The following FANCC variants were observed in gnomAD, a reference collection of about 807,000 sequenced individuals.
FANCC encodes the protein FA complementation group C, also known as Fanconi anemia group C protein.
FANCC carries 55 observed loss-of-function variants against 71.3 expected under a neutral mutation model. The observed-to-expected ratio is 0.77, with a 90% CI of 0.62 to 0.97. The LOEUF (loss-of-function observed/expected upper bound fraction) is 0.97, where lower values mean the gene tolerates loss of function less well. Ranked by LOEUF, FANCC falls within the 50% of genes least tolerant of loss-of-function variation. The pLI, the probability that FANCC is intolerant of heterozygous loss-of-function variation, is 0.00. For synonymous variants in FANCC, 275 were observed against 244.9 expected (o/e 1.12, Z -1.15); for missense variants, 678 against 670.9 (o/e 1.01, Z -0.12).
intron 6 of FANCC, among the ~76,000 whole-genome samples, chr9:95,170,365 T>C (rs1388222035): frequency 1.3e-5 from 2 of 150,518 alleles, no homozygotes; most frequent in Non-Finnish European, 3.0e-5. Context: ...AAAGACAATT[T>C]CTGATAGAGC....
At chr9:95,160,989 T>C (rs575409470) in intron 6 of FANCC, among the ~76,000 whole-genome samples, 1 of 152,296 alleles carries the variant, frequency 6.6e-6, no homozygotes, top group East Asian at 1.9e-4. Flanking sequence ...TTTTTACAAT[T>C]AAATATATAA....
chr9:95,111,415 GC>G, intron 13 of FANCC, 47 bp downstream of exon 13: 2 of 1,599,750 alleles, frequency 1.3e-6, no homozygotes, highest in Non-Finnish European at 8.5e-7. Context: ...GCTCCTCTCA[GC>G]CCCCCAGAGC....
chr9:95,102,372 G>A (rs566134487), intron 14 of FANCC, among the ~76,000 whole-genome samples: 60 of 152,302 alleles, frequency 3.9e-4, no homozygotes, highest in African/African-American at 1.4e-3. Context: ...TGATTCTTGC[G>A]GGAGAGCAGG....
At chr9:95,204,671 GTTGAC>G (rs1828009636) in intron 4 of FANCC, among the ~76,000 whole-genome samples, 1 of 152,076 alleles carries the variant, frequency 6.6e-6, no homozygotes, top group African/African-American at 2.4e-5. Context: ...AACTCCAAAT[GTTGAC>G]TTCGAAAATC....
chr9:95,145,269 C>A (rs913434227), intron 7 of FANCC: 3 of 152,106 alleles, frequency 2.0e-5, no homozygotes, highest in Non-Finnish European at 4.4e-5. Context: ...GGAGAAGATC[C>A]ATTTATGACA....
chr9:95,099,394 C>G lies in FANCC; in HGVS notation c.*2313G>C, dbSNP rs2134369461. 1 of 228,152 alleles carries G rather than the reference C, an allele frequency of 4.4e-6. No homozygotes were observed. The highest frequency in any genetic ancestry group is 8.7e-6 in the Non-Finnish European group (1 of 115,308). The allele number at this position is 228,152 out of a possible 1,614,324, so 14.1% of individuals were successfully genotyped here. A position where few individuals can be genotyped will look rare whatever the true frequency, so the allele number is the denominator to read the frequency against. On this transcript the variant is annotated 3_prime_UTR_variant, in exon 15 of 15. Coordinates refer to ENST00000289081, the MANE Select transcript of FANCC (RefSeq NM_000136.3). ...TGCCTCCCTGCGGCTGCCCCTGTGC[C>G]CAGGCCCCGCCAACGCCGTCAAGGC...
chr9:95,118,290 G>A (rs551863210), intron 10 of FANCC, among the ~76,000 whole-genome samples: 59 of 152,298 alleles, frequency 3.9e-4, no homozygotes, highest in African/African-American at 1.3e-3. Context: ...AAGTGCTGGG[G>A]TTATAGTCAT....
chr9:95,230,301 C>A (rs1240237400), intron 4 of FANCC, among the ~76,000 whole-genome samples: 1 of 152,120 alleles, frequency 6.6e-6, no homozygotes, highest in African/African-American at 2.4e-5. Flanking sequence ...TTCCTCATAC[C>A]AGTGAGTGGT....
intron 1 of FANCC, among the ~76,000 whole-genome samples, chr9:95,290,965 C>A (rs899281505): frequency 6.6e-6 from 1 of 152,070 alleles, no homozygotes; most frequent in Admixed American, 6.5e-5. Flanking sequence ...TTAACAGAAC[C>A]AAGAATAAAA....
At chr9:95,305,973 G>C (rs890743940) in intron 1 of FANCC, among the ~76,000 whole-genome samples, 19 of 152,126 alleles carry the variant, frequency 1.2e-4, no homozygotes, top group African/African-American at 4.6e-4. Context: ...TGCTAGATTT[G>C]TAACAGCTGC....
intron 1 of FANCC, among the ~76,000 whole-genome samples, chr9:95,306,817 G>A (rs1350496945): frequency 1.3e-5 from 2 of 152,028 alleles, no homozygotes; most frequent in African/African-American, 2.4e-5. Flanking sequence ...CCTTAATTAT[G>A]AGCCAAAGTA....
intron 13 of FANCC, chr9:95,111,255 C>T (rs368191872): frequency 1.4e-5 from 21 of 1,542,474 alleles, no homozygotes; most frequent in Admixed American, 5.8e-5. Context: ...GGCAGCGTCT[C>T]GTCTCTGGCC....
At chr9:95,243,522 C>T (rs1315103402) in intron 3 of FANCC, among the ~76,000 whole-genome samples, 1 of 151,994 alleles carries the variant, frequency 6.6e-6, no homozygotes, top group African/African-American at 2.4e-5. Flanking sequence ...TGGTGGTTCA[C>T]ACCTGTAATC....
intron 4 of FANCC, among the ~76,000 whole-genome samples, chr9:95,179,860 T>C (rs1347577174): frequency 6.6e-6 from 1 of 152,198 alleles, no homozygotes; most frequent in African/African-American, 2.4e-5. Flanking sequence ...CACCATTTTG[T>C]TTATTTTGTA....
At chr9:95,130,852 A>G (rs893958803) in intron 8 of FANCC, among the ~76,000 whole-genome samples, 1 of 152,214 alleles carries the variant, frequency 6.6e-6, no homozygotes, top group Non-Finnish European at 1.5e-5. Context: ...TTGGCTTGAG[A>G]AAAACCTATT....
rs962504408 is a variant in FANCC at position 95,294,757 on chromosome 9, A to G, written c.-79+22769T>C. On this transcript the variant is annotated intron_variant, in intron 1 of 14. Transcript: ENST00000289081. ...CTGGAACATGATGGAGTCTCAGTTC[A>G]GCTCTGTAGAAACCCAGACTTCTGC... 1.1e-5 allele frequency: 17 copies of G among 1,590,444 alleles called. No homozygotes were observed. The African/African-American group carries it at 2.0e-4, about 19-fold the overall frequency.
intron 1 of FANCC, among the ~76,000 whole-genome samples, chr9:95,306,373 T>A (rs1440650803): frequency 6.6e-6 from 1 of 152,162 alleles, no homozygotes; most frequent in African/African-American, 2.4e-5. Flanking sequence ...AAGCAGAAAC[T>A]GGTTGGGCAG....
intron 8 of FANCC, among the ~76,000 whole-genome samples, chr9:95,130,929 C>G (rs1033651636): frequency 6.6e-6 from 1 of 152,138 alleles, no homozygotes; most frequent in African/African-American, 2.4e-5. Context: ...TTTTATTATG[C>G]CATTTGCTTC....
chr9:95,183,050 C>T (rs892381920), intron 4 of FANCC, among the ~76,000 whole-genome samples: 6 of 152,134 alleles, frequency 3.9e-5, no homozygotes, highest in Non-Finnish European at 8.8e-5. Flanking sequence ...GACTTGGTGA[C>T]ATCAGACTCC....
Sources: gnomAD v4.1 joint callset for allele counts (sites outside exome capture counted in the v4.1 genomes callset) on GRCh38, gnomAD v4.1.1 for gene constraint, MANE v1.5 for transcripts, NCBI Gene and HGNC (gene_info 2026-07-23, HGNC 2026-07-21) for gene names.